PTPRN2: variants seen among roughly 807,000 people sequenced by gnomAD.
PTPRN2 encodes receptor-type tyrosine-protein phosphatase N2.
PTPRN2 carries 74 observed loss-of-function variants against 118.8 expected under a neutral mutation model. The ratio of observed to expected loss-of-function variants is 0.62; its 90% CI spans 0.52 to 0.76. The LOEUF (loss-of-function observed/expected upper bound fraction) is 0.76, where lower values mean the gene tolerates loss of function less well. PTPRN2 is among the 30% of genes least tolerant of loss of function. PTPRN2 has a pLI of 0.00. For missense variants in PTPRN2, 1,481 were observed against 1,394.4 expected (o/e 1.06, Z -0.99); for synonymous variants, 641 against 608.0 (o/e 1.05, Z -0.80).
intron 6 of PTPRN2, among the ~76,000 whole-genome samples, chr7:158,146,412 G>T (rs189619160): frequency 2.0e-5 from 3 of 152,088 alleles, no homozygotes; most frequent in African/African-American, 4.8e-5. Context: ...TCAAAGCCTG[G>T]GAACAAACAT....
chr7:158,358,253 A>T (rs1304057898), intron 2 of PTPRN2, among the ~76,000 whole-genome samples: 1 of 152,112 alleles, frequency 6.6e-6, no homozygotes, highest in African/African-American at 2.4e-5. Flanking sequence ...AACTGGTGGG[A>T]GGGGCGTGGG....
chr7:157,563,410 CAG>C, intron 21 of PTPRN2, among the ~76,000 whole-genome samples: 1 of 54,258 alleles, frequency 1.8e-5, no homozygotes, highest in Non-Finnish European at 3.5e-5. Context: ...TCACCACACA[CAG>C]CAGATCAGGA....
At chr7:158,142,358 G>A (rs576154097) in intron 6 of PTPRN2, among the ~76,000 whole-genome samples, 47 of 152,258 alleles carry the variant, frequency 3.1e-4, no homozygotes, top group Non-Finnish European at 5.3e-4. Flanking sequence ...CCTTGCCCTC[G>A]CCCAGCCTCC....
chr7:158,586,811 G>A (rs1350150534), intron 1 of PTPRN2, among the ~76,000 whole-genome samples: 1 of 152,198 alleles, frequency 6.6e-6, no homozygotes, highest in Non-Finnish European at 1.5e-5. Context: ...CCGAGGCCCG[G>A]CCCCTCGCGG....
chr7:158,144,129 G>C (rs1819653834), intron 6 of PTPRN2, among the ~76,000 whole-genome samples: 1 of 152,190 alleles, frequency 6.6e-6, no homozygotes, highest in Non-Finnish European at 1.5e-5. Context: ...TTTGACAAAT[G>C]GTGAGAGAAT....
chr7:158,204,281 G>C (rs766657116), intron 4 of PTPRN2, among the ~76,000 whole-genome samples: 19 of 151,366 alleles, frequency 1.3e-4, no homozygotes, highest in Non-Finnish European at 2.4e-4. Flanking sequence ...TGTGCGCCGC[G>C]TTCTGAGGAA....
chr7:157,866,452 A>G (rs1055536858), intron 12 of PTPRN2, among the ~76,000 whole-genome samples: 2 of 152,070 alleles, frequency 1.3e-5, no homozygotes, highest in Non-Finnish European at 2.9e-5. Flanking sequence ...ACACACACGA[A>G]CATGCACGAT....
At chr7:158,142,068 C>T (rs749742507) in intron 6 of PTPRN2, among the ~76,000 whole-genome samples, 16 of 152,240 alleles carry the variant, frequency 1.1e-4, no homozygotes, top group Admixed American at 2.0e-4. Context: ...CCGTATTAAC[C>T]CCACATTTCT....
chr7:158,334,450 AGAGG>A (rs1306064380), intron 2 of PTPRN2, among the ~76,000 whole-genome samples: 79 of 64,450 alleles, frequency 1.2e-3, no homozygotes, highest in South Asian at 2.4e-3. Context: ...TCTCACCATA[AGAGG>A]TGACGCCCAT....
chr7:158,298,723 C>T (rs1800666573), intron 3 of PTPRN2, among the ~76,000 whole-genome samples: 2 of 152,142 alleles, frequency 1.3e-5, no homozygotes, highest in Non-Finnish European at 2.9e-5. Context: ...TCGGGCACAT[C>T]AGGAGGAAAT....
chr7:158,232,323 C>G (rs1190773501), intron 3 of PTPRN2, among the ~76,000 whole-genome samples: 1 of 151,978 alleles, frequency 6.6e-6, no homozygotes, highest in Admixed American at 6.6e-5. Flanking sequence ...CAATTATAAA[C>G]AACTGCATGC....
At chr7:158,135,105 T>C (rs184019004) in intron 8 of PTPRN2, among the ~76,000 whole-genome samples, 3 of 152,336 alleles carry the variant, frequency 2.0e-5, no homozygotes, top group African/African-American at 7.2e-5. Context: ...AAAAGTCTTA[T>C]GTCTACTTGG....
intron 2 of PTPRN2, among the ~76,000 whole-genome samples, chr7:158,337,401 G>A (rs1255104702): frequency 7.2e-6 from 1 of 138,888 alleles, no homozygotes; most frequent in Admixed American, 7.1e-5. Context: ...AACACCTGCA[G>A]ACGTCCCTCA....
intron 2 of PTPRN2, among the ~76,000 whole-genome samples, chr7:158,440,836 A>C (rs1228227900): frequency 1.8e-5 from 1 of 55,238 alleles, no homozygotes. Context: ...GGTGGTGGTG[A>C]TGGCAGTGAC....
At chr7:157,810,104 A>G (rs956770532) in intron 12 of PTPRN2, among the ~76,000 whole-genome samples, 4 of 152,246 alleles carry the variant, frequency 2.6e-5, no homozygotes, top group Non-Finnish European at 2.9e-5. Context: ...GTGGAGGCGA[A>G]CCTGGCCCAC....
intron 12 of PTPRN2, among the ~76,000 whole-genome samples, chr7:157,828,383 G>A (rs1290638430): frequency 6.6e-6 from 1 of 152,188 alleles, no homozygotes; most frequent in African/African-American, 2.4e-5. Flanking sequence ...ACAGCGATCG[G>A]ATACAAGACT....
chr7:158,298,389 G>A (rs1225217523), intron 3 of PTPRN2, among the ~76,000 whole-genome samples: 2 of 152,156 alleles, frequency 1.3e-5, no homozygotes, highest in African/African-American at 4.8e-5. Flanking sequence ...AAGTGCTTTG[G>A]ATTTCAGATA....
intron 19 of PTPRN2, among the ~76,000 whole-genome samples, chr7:157,573,515 C>A (rs566213539): frequency 1.3e-5 from 2 of 152,272 alleles, no homozygotes; most frequent in African/African-American, 4.8e-5. Context: ...CTCATGAGAC[C>A]AAGTACACCC....
intron 12 of PTPRN2, among the ~76,000 whole-genome samples, chr7:157,722,754 T>G (rs1799313698): frequency 6.6e-6 from 1 of 150,588 alleles, no homozygotes; most frequent in African/African-American, 2.4e-5. Flanking sequence ...TAGAGAGGAG[T>G]AGAGGGCAGC....
Sources: gnomAD v4.1 joint callset for allele counts (sites outside exome capture counted in the v4.1 genomes callset) on GRCh38, gnomAD v4.1.1 for gene constraint, MANE v1.5 for transcripts, NCBI Gene and HGNC (gene_info 2026-07-23, HGNC 2026-07-21) for gene names.